The following CSTF2 variants were observed in gnomAD, a reference collection of about 807,000 sequenced individuals.
The protein encoded by CSTF2 is CF-1 64 kDa subunit.
In CSTF2, 8 loss-of-function variants were observed where a neutral mutation model predicts 45.4. The observed-to-expected ratio is 0.18, with a 90% confidence interval of 0.10 to 0.32. The LOEUF (loss-of-function observed/expected upper bound fraction) is 0.32. CSTF2 is among the 10% of genes least tolerant of loss of function. The pLI is 1.00. For synonymous variants in CSTF2, 155 were observed against 158.9 expected, an observed-to-expected ratio of 0.98 and a Z score of 0.18; for missense variants, 253 against 477.1, an observed-to-expected ratio of 0.53 and a Z score of 4.38.
chrX:100,837,282 C>T, intron 11 of CSTF2, 57 bp from the exon 12 acceptor site: 1 of 809,039 alleles, frequency 1.2e-6, no homozygotes. Context: ...TTACTGAATT[C>T]AGGTTACCTA....
At chrX:100,826,903 T>A in intron 7 of CSTF2, 146 bp downstream of exon 7, 1 of 532,600 alleles carries the variant, frequency 1.9e-6, no homozygotes, top group Non-Finnish European at 2.9e-6. Context: ...GAGGAAATAG[T>A]AGATTTCTTA....
At position 100,828,031 on chromosome X, in the gene CSTF2, A is replaced by G. The variant is rs2084954015; in HGVS notation, c.827-9A>G. 1.7e-6 allele frequency: 2 copies of G among 1,202,465 alleles called. No individual in the cohort carries two copies. Among genetic ancestry groups the G allele is most frequent in the East Asian group, 3.0e-5 (1 of 33,529 alleles). On this transcript the variant is annotated splice_polypyrimidine_tract_variant and intron_variant, in intron 7 of 13. Coordinates refer to ENST00000372972, the MANE Select transcript of CSTF2 (RefSeq NM_001325.3). Reference sequence around the variant, plus strand: ...TGGTGTTTTTTCTTGTCTGCCCTTTATCTTCTAGGAGGAATGCAGGCTCAG... The same window carrying G: ...TGGTGTTTTTTCTTGTCTGCCCTTTGTCTTCTAGGAGGAATGCAGGCTCAG...
Position 100,826,080 on chromosome X carries a change from A to T in CSTF2, c.703-554A>T, listed in dbSNP as rs139805156. Among the ~76,000 whole-genome samples the T allele has an allele frequency of 5.0e-3, 558 of 111,617 alleles. 5 individuals carry two copies. Among genetic ancestry groups the T allele is most frequent in the African/African-American group, 0.017 (528 of 30,733 alleles). On this transcript the variant is annotated intron_variant, in intron 6 of 13. Coordinates refer to ENST00000372972, the MANE Select transcript of CSTF2 (RefSeq NM_001325.3). ...GTTTTTTGGGGAATGCACAGATGAA[A>T]AGATGACATTCTCTTTTTCTCAACG...
At chrX:100,834,147 T>TG (rs1291405553) in intron 11 of CSTF2, among the ~76,000 whole-genome samples, 1 of 110,991 alleles carries the variant, frequency 9.0e-6, no homozygotes, top group Admixed American at 9.6e-5. Context: ...TGTGGAGAGG[T>TG]GGTATGTGTG....
intron 11 of CSTF2, among the ~76,000 whole-genome samples, chrX:100,836,700 G>T (rs1296926402): frequency 9.8e-5 from 11 of 111,855 alleles, no homozygotes; most frequent in African/African-American, 3.6e-4. Context: ...CACTGTACTT[G>T]GTTTTTTCAC....
At chrX:100,829,713 T>C (rs1051019173) in intron 8 of CSTF2, among the ~76,000 whole-genome samples, 10 of 110,991 alleles carry the variant, frequency 9.0e-5, no homozygotes, top group African/African-American at 3.3e-4. Flanking sequence ...CATCCCTCTA[T>C]CCCCACCGCA....
chrX:100,833,289 G>A lies in CSTF2; in HGVS notation c.1317G>A (p.Ala439=), dbSNP rs779866293. The part of the protein sequence containing the change: ...GLEARAMEAR[A]MEARAMEARA... Reference sequence around the variant, plus strand: ...AGGCCCGTGCAATGGAGGCCCGTGCGATGGAAGCTCGTGCAATGGAGGCCC... The same window carrying A: ...AGGCCCGTGCAATGGAGGCCCGTGCAATGGAAGCTCGTGCAATGGAGGCCC... Residue 439 remains alanine, a synonymous_variant, in exon 11 of 14, where the codon GCG becomes GCA. Transcript: ENST00000372972. 43 of 1,207,215 alleles carry A rather than the reference G, an allele frequency of 3.6e-5. No homozygotes were observed. The Admixed American group carries it at 7.2e-4, about 20-fold the overall frequency.
chrX:100,837,378 A>T lies in CSTF2; in HGVS notation c.1540A>T (p.Ile514Leu), dbSNP rs1398802156. ...MQGTGMQGAS[I>L]QGGSQPGGFS... Reference sequence around the variant, plus strand: ...GGGAACAGGAATGCAAGGAGCAAGTATACAGGGTGGAAGCCAGCCTGGCGG... The same window carrying T: ...GGGAACAGGAATGCAAGGAGCAAGTTTACAGGGTGGAAGCCAGCCTGGCGG... The change falls in exon 12 of 14, where the codon ATA (isoleucine) becomes TTA (leucine). Residue 514 changes from isoleucine (I) to leucine (L), a missense_variant. By Grantham distance (5) the Ile-to-Leu change is conservative. Coordinates refer to ENST00000372972, the MANE Select transcript of CSTF2 (RefSeq NM_001325.3). 6 of 1,209,515 alleles carry T rather than the reference A, an allele frequency of 5.0e-6. No individual in the cohort carries two copies. The highest frequency in any genetic ancestry group is 6.7e-6 in the Non-Finnish European group (6 of 894,602).
At chrX:100,840,106 A>T (rs1198223764) in intron 13 of CSTF2, among the ~76,000 whole-genome samples, 3 of 111,897 alleles carry the variant, frequency 2.7e-5, no homozygotes, top group Non-Finnish European at 5.6e-5. Context: ...TCACCATTTT[A>T]AAAAAACTAT....
rs1270202623 is a variant in CSTF2 at position 100,841,513 on chromosome X, C to G, written c.*803C>G. ...CTCAAGATGAAATAAAAACAGAAAT[C>G]AAATGAACAAAATACATTTCATCCT... On this transcript the variant is annotated 3_prime_UTR_variant, in exon 14 of 14. Transcript: ENST00000372972. 1.8e-5 allele frequency among the ~76,000 whole-genome samples: 2 copies of G among 112,006 alleles called. No homozygotes were observed. Among genetic ancestry groups the G allele is most frequent in the African/African-American group, 3.2e-5 (1 of 30,808 alleles).
intron 11 of CSTF2, among the ~76,000 whole-genome samples, chrX:100,836,626 G>A (rs1341696160): frequency 9.0e-6 from 1 of 111,694 alleles, no homozygotes; most frequent in Non-Finnish European, 1.9e-5. Context: ...CTTTTCCTTG[G>A]GTTCTGGTAG....
At chrX:100,832,683 T>G in intron 9 of CSTF2, 51 bp from the exon 10 acceptor site, 1 of 1,108,075 alleles carries the variant, frequency 9.0e-7, no homozygotes, top group Non-Finnish European at 1.2e-6. Flanking sequence ...GGTTGGTACT[T>G]TGTTGTTGTT....
At chrX:100,822,549 C>T (rs902808425) in intron 3 of CSTF2, 129 bp downstream of exon 3, 1 of 608,358 alleles carries the variant, frequency 1.6e-6, no homozygotes, top group Non-Finnish European at 2.6e-6. Context: ...ACTTGACTGA[C>T]CTGATGTGCC....
intron 2 of CSTF2, 43 bp downstream of exon 2, chrX:100,821,648 C>A: frequency 3.0e-6 from 3 of 1,003,914 alleles, no homozygotes; most frequent in Non-Finnish European, 4.2e-6. Context: ...TCTTAAAAAT[C>A]ACCACAGATT....
chrX:100,824,070 G>A, intron 5 of CSTF2, 50 bp from the exon 6 acceptor site: 1 of 1,207,326 alleles, frequency 8.3e-7, no homozygotes, highest in Middle Eastern at 2.3e-4. Context: ...GGAACTACCT[G>A]ATTGCTTTGT....
At chrX:100,839,706 C>CT (rs1408119245) in intron 13 of CSTF2, among the ~76,000 whole-genome samples, 20 of 109,735 alleles carry the variant, frequency 1.8e-4, no homozygotes, top group South Asian at 3.9e-4. Context: ...CCCACATATT[C>CT]TTTTTTTTTA....
At chrX:100,820,598 G>C (rs754143967) in intron 1 of CSTF2, 124 bp downstream of exon 1, 18 of 715,369 alleles carry the variant, frequency 2.5e-5, no homozygotes, top group Non-Finnish European at 3.8e-5. Context: ...ATCCTGTAGG[G>C]CGTCCAACCT....
chrX:100,824,724 G>T (rs1170250665), intron 6 of CSTF2, among the ~76,000 whole-genome samples: 1 of 112,143 alleles, frequency 8.9e-6, no homozygotes, highest in Non-Finnish European at 1.9e-5. Context: ...AAGTATCAAA[G>T]ACATGACAAA....
At position 100,837,403 on chromosome X, in the gene CSTF2, G is replaced by A; in HGVS notation, c.1565G>A (p.Gly522Asp). Residue 522 changes from glycine (G) to aspartate (D), a missense_variant, in exon 12 of 14, where the codon GGC becomes GAC. Transcript: ENST00000372972. ...ATACAGGGTGGAAGCCAGCCTGGCG[G>A]CTTTAGTCCCGGGCAGAACCAAGTC... ...ASIQGGSQPG[G>D]FSPGQNQVTP... 2 of 1,210,347 alleles carry A rather than the reference G, an allele frequency of 1.7e-6. No homozygotes were observed. The highest frequency in any genetic ancestry group is 1.1e-6 in the Non-Finnish European group (1 of 894,476).
Sources: gnomAD v4.1 joint callset for allele counts (sites outside exome capture counted in the v4.1 genomes callset) on GRCh38, gnomAD v4.1.1 for gene constraint, MANE v1.5 for transcripts, NCBI Gene and HGNC (gene_info 2026-07-23, HGNC 2026-07-21) for gene names.